The following ATP2B2 variants were observed in gnomAD, a reference collection of about 807,000 sequenced individuals.
ATP2B2 encodes ATPase plasma membrane Ca2+ transporting 2.
In ATP2B2, 15 loss-of-function variants were observed where a neutral mutation model predicts 120.0. The observed-to-expected ratio is 0.12, with a 90% CI of 0.08 to 0.19. The LOEUF (loss-of-function observed/expected upper bound fraction) is 0.19. Among genes scored for constraint, ATP2B2 ranks in the 10% least tolerant of loss-of-function variants. The pLI, the probability that ATP2B2 is intolerant of heterozygous loss-of-function variation, is 1.00. For missense variants in ATP2B2, 1,045 were observed against 1,719.8 expected (o/e 0.61, Z 6.94); for synonymous variants, 694 against 700.3 (o/e 0.99, Z 0.14).
chr3:10,589,491 T>C (rs2068592123), intron 2 of ATP2B2, among the ~76,000 whole-genome samples: 1 of 152,204 alleles, frequency 6.6e-6, no homozygotes, highest in Admixed American at 6.5e-5. Context: ...TCCGCTGCGA[T>C]GCAAGTATAT....
chr3:10,426,557 G>A (rs1348178333), intron 2 of ATP2B2, among the ~76,000 whole-genome samples: 1 of 152,200 alleles, frequency 6.6e-6, no homozygotes, highest in Admixed American at 6.5e-5. Context: ...GAGGGATGGA[G>A]GCGCCTCCAG....
intron 5 of ATP2B2, among the ~76,000 whole-genome samples, chr3:10,390,523 T>TGC (rs1553572691): frequency 3.3e-5 from 5 of 151,494 alleles, no homozygotes; most frequent in East Asian, 3.9e-4. Context: ...TGTGTGTGTG[T>TGC]GCGCTTGCAA....
intron 1 of ATP2B2, among the ~76,000 whole-genome samples, chr3:10,683,697 T>C (rs1334799732): frequency 2.7e-5 from 4 of 146,306 alleles, no homozygotes; most frequent in African/African-American, 5.0e-5. Context: ...TACACATATG[T>C]ATATGTATAT....
chr3:10,412,277 G>C (rs2062637270), intron 2 of ATP2B2, among the ~76,000 whole-genome samples: 2 of 152,314 alleles, frequency 1.3e-5, no homozygotes, highest in East Asian at 3.9e-4. Flanking sequence ...TTGTACCTTG[G>C]AAGAGGGGCC....
intron 2 of ATP2B2, among the ~76,000 whole-genome samples, chr3:10,605,045 C>A (rs1336273890): frequency 6.6e-6 from 1 of 152,232 alleles, no homozygotes; most frequent in Non-Finnish European, 1.5e-5. Context: ...TGTGTCCCCA[C>A]TGTACAGACA....
At chr3:10,639,766 T>A (rs1317325746) in intron 1 of ATP2B2, among the ~76,000 whole-genome samples, 9 of 152,082 alleles carry the variant, frequency 5.9e-5, no homozygotes, top group Non-Finnish European at 1.2e-4. Context: ...GGCAGAGGCC[T>A]CAAATCAGAA....
At chr3:10,643,462 C>T (rs182404572) in intron 1 of ATP2B2, among the ~76,000 whole-genome samples, 171 of 152,308 alleles carry the variant, frequency 1.1e-3, no homozygotes, top group African/African-American at 4.0e-3. Flanking sequence ...CATCTCCCCA[C>T]AGATTGGGGA....
intron 5 of ATP2B2, among the ~76,000 whole-genome samples, chr3:10,391,264 T>C (rs1424414122): frequency 6.6e-6 from 1 of 152,184 alleles, no homozygotes; most frequent in East Asian, 1.9e-4. Flanking sequence ...GAGCCTGGAC[T>C]TGAACTCTCT....
At chr3:10,507,481 C>T (rs771636229), upstream of ATP2B2, among the ~76,000 whole-genome samples, 10 of 152,128 alleles carry the variant, frequency 6.6e-5, no homozygotes, top group African/African-American at 9.7e-5. Context: ...AAAACAGGCC[C>T]GTGTAAAGCT....
At chr3:10,368,900 T>C (rs1425579165) in intron 12 of ATP2B2, among the ~76,000 whole-genome samples, 1 of 152,092 alleles carries the variant, frequency 6.6e-6, no homozygotes, top group African/African-American at 2.4e-5. Context: ...CATCAGTCCA[T>C]TCACTTACAT....
At chr3:10,707,084 G>C (rs1165806194) in intron 1 of ATP2B2, among the ~76,000 whole-genome samples, 1 of 152,234 alleles carries the variant, frequency 6.6e-6, no homozygotes, top group African/African-American at 2.4e-5. Flanking sequence ...GCCAGGCCCT[G>C]GGTGAGTCCC....
chr3:10,375,712 TC>T lies in ATP2B2; in HGVS notation c.1202-69del. On this transcript the variant is annotated intron_variant, in intron 10 of 22. Coordinates refer to ENST00000360273, the MANE Select transcript of ATP2B2 (RefSeq NM_001001331.4). The surrounding 1 kb of genome is among the most constrained non-coding windows in gnomAD (Gnocchi z 4.2). The stretch of plus-strand genomic sequence containing the variant: ...GAGGCTGGGGGTGGTGTGGACCAAA[TC>T]TTTGGCTGAAAGAGCTCCGGGTCAG... 6.8e-7 allele frequency: 1 copy of T among 1,460,724 alleles called. No individual in the cohort carries two copies. The highest frequency in any genetic ancestry group is 1.8e-5 in the Admixed American group (1 of 54,876). The allele number at this position is 1,460,724 out of a possible 1,614,324, so 90.5% of individuals were successfully genotyped here. A position where few individuals can be genotyped will look rare whatever the true frequency, so the allele number is the denominator to read the frequency against.
intron 1 of ATP2B2, among the ~76,000 whole-genome samples, chr3:10,691,930 C>T (rs2125714446): frequency 6.6e-6 from 1 of 152,272 alleles, no homozygotes; most frequent in African/African-American, 2.4e-5. Flanking sequence ...CTTCGTCTTC[C>T]AATACTGCGA....
intron 1 of ATP2B2, among the ~76,000 whole-genome samples, chr3:10,659,773 C>A (rs2070732228): frequency 1.3e-5 from 2 of 152,208 alleles, no homozygotes; most frequent in Non-Finnish European, 2.9e-5. Flanking sequence ...ACTCTCCACC[C>A]CAAATCAACA....
At chr3:10,615,806 C>G (rs2069369856) in intron 2 of ATP2B2, among the ~76,000 whole-genome samples, 1 of 152,212 alleles carries the variant, frequency 6.6e-6, no homozygotes, top group Non-Finnish European at 1.5e-5. Context: ...AATTGTTTAT[C>G]TCTAACTCAC....
At chr3:10,645,039 T>C (rs963756990) in intron 1 of ATP2B2, among the ~76,000 whole-genome samples, 5 of 152,198 alleles carry the variant, frequency 3.3e-5, no homozygotes, top group African/African-American at 1.2e-4. Context: ...AAGGCGTATG[T>C]TGAATGCAAG....
At chr3:10,698,903 A>G (rs1026868954) in intron 1 of ATP2B2, among the ~76,000 whole-genome samples, 1 of 152,220 alleles carries the variant, frequency 6.6e-6, no homozygotes, top group African/African-American at 2.4e-5. Flanking sequence ...ACATAGAAGC[A>G]CTTACAATTG....
chr3:10,543,426 T>C lies in ATP2B2; in HGVS notation c.-414-9293A>G, dbSNP rs187895742. Among the ~76,000 whole-genome samples the C allele has an allele frequency of 3.9e-5, 6 of 152,354 alleles. No individual in the cohort carries two copies. In the East Asian group the frequency reaches 1.2e-3, roughly 29 times the overall value. Reference sequence around the variant, plus strand: ...CATGTCTATGTAAGGCTGAATTTTCTTCATATACATCAATTAAAACATCAA... The same window carrying C: ...CATGTCTATGTAAGGCTGAATTTTCCTCATATACATCAATTAAAACATCAA... On this transcript the variant is annotated intron_variant, in intron 2 of 21. Coordinates refer to the ATP2B2 transcript ENST00000646379.
intron 2 of ATP2B2, among the ~76,000 whole-genome samples, chr3:10,551,706 T>G (rs2067673524): frequency 6.6e-6 from 1 of 152,216 alleles, no homozygotes; most frequent in African/African-American, 2.4e-5. Flanking sequence ...ACACAATGTA[T>G]CAATCATATT....
Sources: allele counts gnomAD v4.1 joint callset (sites outside exome capture counted in the v4.1 genomes callset), GRCh38; gene constraint gnomAD v4.1.1; non-coding constraint Gnocchi (gnomAD v3.1); transcripts MANE v1.5; gene names NCBI Gene and HGNC (gene_info 2026-07-23, HGNC 2026-07-21).